Variants in SLIT3 observed in about 807,000 individuals in gnomAD.
SLIT3 encodes slit guidance ligand 3.
Under a neutral mutation model 184.0 loss-of-function variants are expected in SLIT3, and 68 were observed. That is an observed-to-expected ratio of 0.37 (90% CI 0.30 to 0.45). The LOEUF (loss-of-function observed/expected upper bound fraction) is 0.45, where lower values mean the gene tolerates loss of function less well. Among genes scored for constraint, SLIT3 ranks in the 20% least tolerant of loss-of-function variants. The pLI is 1.00. For synonymous variants in SLIT3, 831 were observed against 828.6 expected, an observed-to-expected ratio of 1.00 and a Z score of -0.05; for missense variants, 1,707 against 2,026.0, an observed-to-expected ratio of 0.84 and a Z score of 3.02.
chr5:168,760,426 G>A (rs1755106024), intron 16 of SLIT3, among the ~76,000 whole-genome samples: 1 of 152,218 alleles, frequency 6.6e-6, no homozygotes, highest in South Asian at 2.1e-4. Context: ...TCATTCTGAT[G>A]TGTATCACTG....
chr5:168,667,645 T>C (rs1761099035), intron 35 of SLIT3: 1 of 152,222 alleles, frequency 6.6e-6, no homozygotes, highest in South Asian at 2.1e-4. Context: ...CCATGACCCT[T>C]GACCCTTGAC....
At chr5:169,277,078 C>T (rs924870693) in intron 1 of SLIT3, among the ~76,000 whole-genome samples, 7 of 152,196 alleles carry the variant, frequency 4.6e-5, no homozygotes, top group African/African-American at 1.4e-4. Context: ...TTCTCCCCTC[C>T]CCAGCCCATC....
chr5:169,084,959 T>C (rs937547745), intron 4 of SLIT3, among the ~76,000 whole-genome samples: 2 of 152,092 alleles, frequency 1.3e-5, no homozygotes, highest in African/African-American at 4.8e-5. Flanking sequence ...GTTACCCGTG[T>C]CTCCCAGCAG....
intron 4 of SLIT3, among the ~76,000 whole-genome samples, chr5:169,064,787 G>A (rs1232901031): frequency 1.3e-5 from 2 of 152,144 alleles, no homozygotes; most frequent in Non-Finnish European, 2.9e-5. Context: ...ATTTGCTGTT[G>A]ATGAATCCTT....
In SLIT3 at chr5:168,677,479, C is replaced by T. The variant is rs533896275; in HGVS notation, c.3687-4148G>A. On this transcript the variant is annotated intron_variant, in intron 32 of 35. Coordinates refer to ENST00000519560, the MANE Select transcript of SLIT3 (RefSeq NM_003062.4). ...GTTTTTGTTTTTTGAGATGGAGTCTCGCTCTGTTGCCCAGGCTGGAATACA... is the reference window on the plus strand; with the variant it reads ...GTTTTTGTTTTTTGAGATGGAGTCTTGCTCTGTTGCCCAGGCTGGAATACA... Among the ~76,000 whole-genome samples the T allele has an allele frequency of 3.8e-4, 57 of 151,924 alleles. No homozygotes were observed. In the Middle Eastern group the frequency reaches 0.01, roughly 27 times the overall value.
chr5:168,919,598 G>A (rs1021415171), intron 4 of SLIT3, among the ~76,000 whole-genome samples: 5 of 151,854 alleles, frequency 3.3e-5, no homozygotes, highest in Admixed American at 6.6e-5. Context: ...ATATGGGGGT[G>A]GATGGGAACT....
intron 9 of SLIT3, among the ~76,000 whole-genome samples, chr5:168,799,085 C>A (rs769173525): frequency 2.0e-5 from 3 of 152,106 alleles, no homozygotes; most frequent in Non-Finnish European, 4.4e-5. Context: ...AAAATGGCCC[C>A]TTTGTCATGC....
intron 4 of SLIT3, among the ~76,000 whole-genome samples, chr5:169,002,352 A>AAAAAAAC (rs1755741849): frequency 6.8e-6 from 1 of 147,854 alleles, no homozygotes; most frequent in African/African-American, 2.5e-5. Context: ...AAAAAAAAAA[A>AAAAAAAC]AAAGAAAAAA....
At chr5:168,668,875 T>C (rs1347275103) in intron 35 of SLIT3, among the ~76,000 whole-genome samples, 2 of 152,248 alleles carry the variant, frequency 1.3e-5, no homozygotes, top group Non-Finnish European at 2.9e-5. Flanking sequence ...GTTCAAATGA[T>C]TCTCTTGCCT....
intron 4 of SLIT3, among the ~76,000 whole-genome samples, chr5:168,946,869 C>T (rs993824069): frequency 1.3e-5 from 2 of 152,214 alleles, no homozygotes; most frequent in Admixed American, 6.5e-5. Flanking sequence ...AACACCTCTC[C>T]ATTTGCAAAG....
intron 7 of SLIT3, among the ~76,000 whole-genome samples, chr5:168,817,961 C>A (rs757696009): frequency 2.7e-5 from 4 of 146,244 alleles, no homozygotes; most frequent in Non-Finnish European, 5.9e-5. Context: ...GCTAAGTGTC[C>A]TTTAATAAAC....
At position 169,118,124 on chromosome 5, in the gene SLIT3, G is replaced by A. The variant is rs1160814216; in HGVS notation, c.413+75355C>T. On this transcript the variant is annotated intron_variant, in intron 4 of 35. Transcript: ENST00000519560. ...GCCCAGGAGTTCAAGGCTGCACTGA[G>A]CTATGATCACATTAATTCACTCTAG... Among the ~76,000 whole-genome samples the A allele has an allele frequency of 2.0e-5, 3 of 152,192 alleles. No individual in the cohort carries two copies. In the East Asian group the frequency reaches 5.8e-4, roughly 29 times the overall value.
chr5:168,814,415 A>G (rs1447653227), intron 8 of SLIT3, among the ~76,000 whole-genome samples: 3 of 151,730 alleles, frequency 2.0e-5, no homozygotes, highest in Admixed American at 1.3e-4. Context: ...ACAAACAAAC[A>G]AACAAACAAA....
chr5:169,235,619 T>C (rs757416034), intron 3 of SLIT3, among the ~76,000 whole-genome samples: 77 of 152,240 alleles, frequency 5.1e-4, no homozygotes, highest in Non-Finnish European at 9.3e-4. Flanking sequence ...CCATCCAGGA[T>C]ACAACATTAC....
At position 169,146,279 on chromosome 5, in the gene SLIT3, C is replaced by A. The variant is rs573848252; in HGVS notation, c.413+47200G>T. On this transcript the variant is annotated intron_variant, in intron 4 of 35. Coordinates refer to ENST00000519560, the MANE Select transcript of SLIT3 (RefSeq NM_003062.4). ...CAGGCTGCAAGGTATTTGTTCTTAA[C>A]CGCAAAACGTATTCCCTCTTAAGCA... Among the ~76,000 whole-genome samples the A allele has an allele frequency of 2.0e-5, 3 of 152,370 alleles. No homozygotes were observed. The South Asian group carries it at 6.2e-4, about 32-fold the overall frequency.
intron 6 of SLIT3, among the ~76,000 whole-genome samples, chr5:168,839,305 C>T (rs1473777290): frequency 6.6e-6 from 1 of 152,156 alleles, no homozygotes; most frequent in African/African-American, 2.4e-5. Context: ...GCTGGCCACA[C>T]AGCGTGTCTT....
intron 1 of SLIT3, among the ~76,000 whole-genome samples, chr5:169,297,018 A>C (rs1278647913): frequency 6.6e-6 from 1 of 152,174 alleles, no homozygotes; most frequent in Non-Finnish European, 1.5e-5. Context: ...TTGTGGTTGG[A>C]GAAGAATTAC....
intron 6 of SLIT3, among the ~76,000 whole-genome samples, chr5:168,828,668 A>G (rs887790391): frequency 6.6e-5 from 10 of 150,498 alleles, no homozygotes; most frequent in Non-Finnish European, 3.0e-5. Flanking sequence ...CAAAAAAAAA[A>G]AAGAAAAAAG....
At chr5:169,042,374 G>A (rs923815954) in intron 4 of SLIT3, among the ~76,000 whole-genome samples, 9 of 152,170 alleles carry the variant, frequency 5.9e-5, no homozygotes, top group African/African-American at 2.2e-4. Context: ...GTCCTCAGTT[G>A]CATTATTTAA....
Sources: allele counts gnomAD v4.1 joint callset (sites outside exome capture counted in the v4.1 genomes callset), GRCh38; gene constraint gnomAD v4.1.1; transcripts MANE v1.5; gene names NCBI Gene and HGNC (gene_info 2026-07-23, HGNC 2026-07-21).